Variants in KMT2C observed in about 807,000 individuals in gnomAD.
KMT2C encodes the protein lysine methyltransferase 2C.
KMT2C carries 88 observed loss-of-function variants against 507.9 expected under a neutral mutation model. The observed-to-expected ratio is 0.17, with a 90% CI of 0.15 to 0.21. The LOEUF is 0.21. Among genes scored for constraint, KMT2C ranks in the 10% least tolerant of loss-of-function variants. The pLI, the probability that KMT2C is intolerant of heterozygous loss-of-function variation, is 1.00. For synonymous variants in KMT2C, 2,049 were observed against 2,080.8 expected, an observed-to-expected ratio of 0.98 and a Z score of 0.42; for missense variants, 4,954 against 5,957.8, an observed-to-expected ratio of 0.83 and a Z score of 5.55.
chr7:152,182,648 C>T lies in KMT2C; in HGVS notation c.5266-54G>A, dbSNP rs74898614. On this transcript the variant is annotated intron_variant, in intron 35 of 58. Transcript: ENST00000262189. ...ATATTTAGGTTAAGGAAGAAAACTA[C>T]CATCATGGGGGGAAAAAGCAACAGA... 1,860 of 1,438,272 alleles carry T rather than the reference C, an allele frequency of 1.3e-3. 26 individuals carry two copies. The East Asian group carries it at 0.029, about 23-fold the overall frequency. 89.1% of individuals were successfully genotyped at this position (1,438,272 alleles called of 1,614,324 possible). A position where few individuals can be genotyped will look rare whatever the true frequency, so the allele number is the denominator to read the frequency against.
chr7:152,289,212 G>A (rs2096362814), intron 6 of KMT2C, among the ~76,000 whole-genome samples: 1 of 152,210 alleles, frequency 6.6e-6, no homozygotes, highest in Non-Finnish European at 1.5e-5. Flanking sequence ...AAAAGCTATG[G>A]TGGGTAAAAC....
At position 152,330,604 on chromosome 7, in the gene KMT2C, A is replaced by C. The variant is rs1269577248; in HGVS notation, c.386T>G (p.Ile129Ser). The C allele has an allele frequency of 1.2e-6, 2 of 1,613,838 alleles. No individual in the cohort carries two copies. Among genetic ancestry groups the C allele is most frequent in the Non-Finnish European group, 1.7e-6 (2 of 1,179,888 alleles). The change falls in exon 3 of 59, where the codon ATC becomes AGC. Residue 129 changes from isoleucine (I) to serine (S), a missense_variant. By Grantham distance (142) the Ile-to-Ser change is moderately radical. This residue lies in a region of KMT2C where 233 missense variants were observed against 263.6 expected (regional missense o/e 0.88). Transcript: ENST00000262189. ...SLVSVGVEAK[I>S]SEQLCAFCYC... is the part of the protein sequence containing the mutation. ...CCAGCTGCATTCATTCTCTAACCTG[A>C]TTTTGGCTTCTACACCAACAGAGAC...
chr7:152,138,968 C>A lies in KMT2C; in HGVS notation c.14535-64G>T. Reference sequence around the variant, plus strand: ...GCTAGAAGCAGCTTTAAAAACTTCCCATTTATTGATAAAGCAGTTTTTGCT... The same window carrying A: ...GCTAGAAGCAGCTTTAAAAACTTCCAATTTATTGATAAAGCAGTTTTTGCT... On this transcript the variant is annotated intron_variant, in intron 57 of 58. Coordinates refer to ENST00000262189, the MANE Select transcript of KMT2C (RefSeq NM_170606.3). This position sits in a 1 kb window ranked among gnomAD's most constrained non-coding sequence, Gnocchi z 4.2. The A allele has an allele frequency of 1.6e-6, 2 of 1,276,948 alleles. No homozygotes were observed. Among genetic ancestry groups the A allele is most frequent in the South Asian group, 2.4e-5 (2 of 82,136 alleles). 79.1% of individuals were successfully genotyped at this position (1,276,948 alleles called of 1,614,324 possible). A position where few individuals can be genotyped will look rare whatever the true frequency, so the allele number is the denominator to read the frequency against.
At chr7:152,167,125 T>G (rs1464627307) in intron 42 of KMT2C, 21 bp downstream of exon 42, 4 of 1,579,238 alleles carry the variant, frequency 2.5e-6, no homozygotes, top group Non-Finnish European at 3.5e-6. Flanking sequence ...GTAGTTTCTA[T>G]TTTGCAAACC....
intron 1 of KMT2C, among the ~76,000 whole-genome samples, chr7:152,393,791 T>C (rs1441311096): frequency 1.4e-5 from 2 of 146,068 alleles, no homozygotes; most frequent in African/African-American, 2.6e-5. Flanking sequence ...ACTGGGGAGG[T>C]TGAGGCAGGA....
At chr7:152,262,281 G>A (rs936268551) in intron 9 of KMT2C, among the ~76,000 whole-genome samples, 3 of 152,126 alleles carry the variant, frequency 2.0e-5, no homozygotes, top group Non-Finnish European at 4.4e-5. Context: ...GGGCCATCAT[G>A]CCCTCTCCAG....
chr7:152,387,910 C>A (rs1357324715), intron 1 of KMT2C, among the ~76,000 whole-genome samples: 3 of 151,710 alleles, frequency 2.0e-5, no homozygotes, highest in African/African-American at 7.3e-5. Context: ...GGGAGTAAAA[C>A]TGAACTTGTG....
chr7:152,252,112 A>C (rs769668958), intron 10 of KMT2C, 22 bp from the exon 11 acceptor site: 69 of 1,539,462 alleles, frequency 4.5e-5, no homozygotes, highest in Non-Finnish European at 5.8e-5. Flanking sequence ...AGTATACTTA[A>C]ATAAAAATTT....
At chr7:152,280,025 C>G (rs113269669) in intron 6 of KMT2C, among the ~76,000 whole-genome samples, 1 of 148,286 alleles carries the variant, frequency 6.7e-6, no homozygotes. Context: ...ATTAAAGCCA[C>G]CAATCAACTG....
At chr7:152,337,957 C>T (rs1420409522) in intron 2 of KMT2C, among the ~76,000 whole-genome samples, 1 of 151,852 alleles carries the variant, frequency 6.6e-6, no homozygotes, top group Non-Finnish European at 1.5e-5. Context: ...CCCAGGTTCA[C>T]GCCATTCTCC....
chr7:152,140,025 G>T (rs1462045502), intron 55 of KMT2C, among the ~76,000 whole-genome samples: 5 of 151,848 alleles, frequency 3.3e-5, no homozygotes, highest in Admixed American at 1.3e-4. Context: ...TAAATTCTTA[G>T]AGTCTATGTA....
At chr7:152,410,658 A>G (rs1589826535) in intron 1 of KMT2C, among the ~76,000 whole-genome samples, 2 of 148,530 alleles carry the variant, frequency 1.3e-5, no homozygotes, top group Non-Finnish European at 3.0e-5. Flanking sequence ...ATTTTTATAT[A>G]TGAGATTATG....
chr7:152,234,612 A>T (rs1055744114), intron 16 of KMT2C, among the ~76,000 whole-genome samples: 2 of 152,080 alleles, frequency 1.3e-5, no homozygotes, highest in African/African-American at 4.8e-5. Flanking sequence ...AGAATGTAAG[A>T]CTACAGGCTG....
At position 152,296,445 on chromosome 7, in the gene KMT2C, AAG is replaced by A. The variant is rs367694956; in HGVS notation, c.849+13519_849+13520del. Among the ~76,000 whole-genome samples, 97 of 149,528 alleles carry A rather than the reference AAG, an allele frequency of 6.5e-4. 1 individual carries two copies. The highest frequency in any genetic ancestry group is 3.4e-3 in the Middle Eastern group (1 of 294). On this transcript the variant is annotated intron_variant, in intron 6 of 58. Coordinates refer to ENST00000262189, the MANE Select transcript of KMT2C (RefSeq NM_170606.3). ...GAAACTCCATCTCAAAAAAAAAAAA[AAG>A]AGAGAGAGAGAGAGAGAGAAATATG...
chr7:152,335,638 G>A (rs888059316), intron 2 of KMT2C, among the ~76,000 whole-genome samples: 1 of 152,034 alleles, frequency 6.6e-6, no homozygotes, highest in East Asian at 1.9e-4. Context: ...TTCTCCTAGC[G>A]AAGTATATAA....
chr7:152,418,248 A>AT (rs908601643), intron 1 of KMT2C, among the ~76,000 whole-genome samples: 83 of 151,944 alleles, frequency 5.5e-4, no homozygotes, highest in African/African-American at 1.9e-3. Flanking sequence ...CCAAATGCTT[A>AT]TTTTTTAACC....
intron 1 of KMT2C, among the ~76,000 whole-genome samples, chr7:152,420,359 C>T (rs545446462): frequency 5.9e-5 from 9 of 152,176 alleles, no homozygotes; most frequent in Non-Finnish European, 8.8e-5. Context: ...CCTTTGTCAC[C>T]GTAACATATT....
chr7:152,340,618 ATAGTTGCTGC>A lies in KMT2C; in HGVS notation c.251-9889_251-9880del, dbSNP rs539070117. 1.1e-4 allele frequency among the ~76,000 whole-genome samples: 16 copies of A among 152,328 alleles called. No individual in the cohort carries two copies. In the South Asian group the frequency reaches 3.3e-3, roughly 32 times the overall value. On this transcript the variant is annotated intron_variant, in intron 2 of 58. Coordinates refer to ENST00000262189, the MANE Select transcript of KMT2C (RefSeq NM_170606.3). ...ATTGACACTGATTAATAATATGAAT[ATAGTTGCTGC>A]TTTCACAGAACAATGTAAGCAACTA...
intron 6 of KMT2C, among the ~76,000 whole-genome samples, chr7:152,300,686 T>A (rs1388669953): frequency 6.6e-6 from 1 of 152,198 alleles, no homozygotes; most frequent in East Asian, 1.9e-4. Context: ...CTAGCAAATC[T>A]CCAAACATGG....
Sources: allele counts gnomAD v4.1 joint callset (sites outside exome capture counted in the v4.1 genomes callset), GRCh38; gene constraint gnomAD v4.1.1; regional missense constraint gnomAD v4.1.1; non-coding constraint Gnocchi (gnomAD v3.1); transcripts MANE v1.5; gene names NCBI Gene and HGNC (gene_info 2026-07-23, HGNC 2026-07-21).